LIPC: variants seen among roughly 807,000 people sequenced by gnomAD.
LIPC encodes the protein hepatic triacylglycerol lipase.
LIPC carries 44 observed loss-of-function variants against 50.7 expected under a neutral mutation model. The observed-to-expected ratio is 0.87, with a 90% confidence interval of 0.68 to 1.11. The LOEUF is 1.11. Ranked by LOEUF, LIPC falls within the 50% of genes most tolerant of loss-of-function variation. LIPC has a pLI of 0.00. For synonymous variants in LIPC, 271 were observed against 256.4 expected (o/e 1.06, Z -0.54); for missense variants, 697 against 648.2 (o/e 1.08, Z -0.82).
intron 1 of LIPC, among the ~76,000 whole-genome samples, chr15:58,489,959 A>C (rs1458324964): frequency 1.3e-5 from 2 of 152,104 alleles, no homozygotes; most frequent in African/African-American, 4.8e-5. Flanking sequence ...CTCTGTCATC[A>C]TTTCACAAAG....
chr15:58,565,220 T>C (rs1268235426), intron 8 of LIPC: 2 of 1,535,720 alleles, frequency 1.3e-6, no homozygotes, highest in East Asian at 2.4e-5. Context: ...AACTGCTCGC[T>C]CCTCTTCTGC....
chr15:58,443,746 GCA>G (rs2140650281), intron 1 of LIPC, among the ~76,000 whole-genome samples: 2 of 152,372 alleles, frequency 1.3e-5, no homozygotes, highest in South Asian at 4.1e-4. Context: ...TCACCTGGGT[GCA>G]GGCGGGCTGA....
chr15:58,460,954 G>A lies in LIPC; in HGVS notation c.88+28834G>A, dbSNP rs79560486. On this transcript the variant is annotated intron_variant, in intron 1 of 8. Coordinates refer to ENST00000299022, the MANE Select transcript of LIPC (RefSeq NM_000236.3). ...GTGGTTTTGACCAAGGGACTGACCC[G>A]AACATGGCATGTAAGAGGGGTTTGT... 3.7e-3 allele frequency among the ~76,000 whole-genome samples: 559 copies of A among 152,274 alleles called. 2 individuals are homozygous for A. The highest frequency in any genetic ancestry group is 0.01 in the Middle Eastern group (3 of 294).
At chr15:58,455,965 G>A (rs1894095055) in intron 1 of LIPC, among the ~76,000 whole-genome samples, 1 of 152,120 alleles carries the variant, frequency 6.6e-6, no homozygotes, top group South Asian at 2.1e-4. Flanking sequence ...CCCAAGGCAT[G>A]GTCCAGACCC....
chr15:58,563,954 C>T, intron 8 of LIPC: 1 of 550,476 alleles, frequency 1.8e-6, no homozygotes, highest in Non-Finnish European at 3.4e-6. Context: ...CTCCCCACTG[C>T]CCGTGGCTAA....
chr15:58,475,893 C>G (rs554429988), intron 1 of LIPC, among the ~76,000 whole-genome samples: 5 of 152,220 alleles, frequency 3.3e-5, no homozygotes, highest in Non-Finnish European at 7.3e-5. Flanking sequence ...CTACGTGAAG[C>G]TCTAGATTCT....
chr15:58,523,151 C>T (rs1892704368), intron 1 of LIPC: 2 of 152,338 alleles, frequency 1.3e-5, no homozygotes, highest in Non-Finnish European at 2.9e-5. Context: ...CAGCAGCCCT[C>T]GCTGCCCAGC....
intron 1 of LIPC, among the ~76,000 whole-genome samples, chr15:58,493,849 G>A (rs1427748474): frequency 6.6e-6 from 1 of 151,834 alleles, no homozygotes; most frequent in Non-Finnish European, 1.5e-5. Context: ...CAACTCCCAC[G>A]GGTGTTTTCT....
chr15:58,546,644 C>T (rs755059285), intron 5 of LIPC, among the ~76,000 whole-genome samples: 5 of 152,172 alleles, frequency 3.3e-5, no homozygotes, highest in African/African-American at 1.2e-4. Context: ...TCAGCAGAAG[C>T]AGCACATTCC....
intron 1 of LIPC, among the ~76,000 whole-genome samples, chr15:58,445,429 C>T (rs1488333748): frequency 1.3e-5 from 2 of 152,240 alleles, no homozygotes; most frequent in Non-Finnish European, 2.9e-5. Context: ...GGCCGGCTGC[C>T]ACTTTCTCAT....
chr15:58,520,273 C>T (rs571886389), intron 1 of LIPC, among the ~76,000 whole-genome samples: 5 of 152,112 alleles, frequency 3.3e-5, no homozygotes, highest in East Asian at 1.9e-4. Context: ...ACAAGGTGGG[C>T]GGGCAGTCAG....
intron 1 of LIPC, among the ~76,000 whole-genome samples, chr15:58,463,256 C>G (rs1392551409): frequency 6.6e-6 from 1 of 152,256 alleles, no homozygotes; most frequent in Non-Finnish European, 1.5e-5. Flanking sequence ...CTCCAGGGTC[C>G]TGATGGCCAC....
Position 58,565,247 on chromosome 15 carries a change from A to G in LIPC, c.1388+1524A>G, listed in dbSNP as rs564257171. ...CTCTTCTGCACTGAGCTCTTCTCAC[A>G]TGACTCTTTGGCCCATTGGAGCAGC... On this transcript the variant is annotated intron_variant, in intron 8 of 8. Transcript: ENST00000299022. The G allele has an allele frequency of 4.9e-5, 75 of 1,535,684 alleles. No homozygotes were observed. In the African/African-American group the frequency reaches 9.8e-4, roughly 20 times the overall value.
intron 1 of LIPC, chr15:58,432,392 T>C (rs1003830337): frequency 4.8e-5 from 23 of 481,172 alleles, no homozygotes; most frequent in Non-Finnish European, 7.2e-5. Flanking sequence ...GAAACAGTCA[T>C]GCTAAAAGTT....
chr15:58,489,789 G>C (rs537367895), intron 1 of LIPC, among the ~76,000 whole-genome samples: 2 of 152,228 alleles, frequency 1.3e-5, no homozygotes, highest in African/African-American at 4.8e-5. Context: ...GCCTTTCACT[G>C]GTTTTGCAAA....
chr15:58,499,779 G>T (rs1386367743), intron 1 of LIPC, among the ~76,000 whole-genome samples: 1 of 152,320 alleles, frequency 6.6e-6, no homozygotes, highest in Admixed American at 6.5e-5. Flanking sequence ...TAACTGTATA[G>T]CCCTGGTCTA....
At chr15:58,469,239 T>A (rs1894695567) in intron 1 of LIPC, among the ~76,000 whole-genome samples, 1 of 151,376 alleles carries the variant, frequency 6.6e-6, no homozygotes, top group Non-Finnish European at 1.5e-5. Flanking sequence ...GCCCAAGTAA[T>A]CCTCCTGCCT....
intron 1 of LIPC, among the ~76,000 whole-genome samples, chr15:58,512,488 TG>T (rs145589572): frequency 1.9e-3 from 290 of 152,124 alleles, no homozygotes; most frequent in African/African-American, 6.6e-3. Flanking sequence ...ATGTGAAAAA[TG>T]GGGATGGGGC....
At chr15:58,519,288 G>A (rs1161176231) in intron 1 of LIPC, among the ~76,000 whole-genome samples, 1 of 151,974 alleles carries the variant, frequency 6.6e-6, no homozygotes, top group East Asian at 1.9e-4. Context: ...GCAGGTGCCT[G>A]TAGTCCCAGC....
Sources: gnomAD v4.1 joint callset for allele counts (sites outside exome capture counted in the v4.1 genomes callset) on GRCh38, gnomAD v4.1.1 for gene constraint, MANE v1.5 for transcripts, NCBI Gene and HGNC (gene_info 2026-07-23, HGNC 2026-07-21) for gene names.